Variants in CDH18 observed in about 807,000 individuals in gnomAD.
CDH18 encodes cadherin-18.
In CDH18, 31 loss-of-function variants were observed where a neutral mutation model predicts 67.9. The observed-to-expected ratio is 0.46, with a 90% CI of 0.34 to 0.62. CDH18 has a LOEUF of 0.62. CDH18 is among the 20% of genes least tolerant of loss of function. The pLI is 0.01. For missense variants in CDH18, 890 were observed against 975.5 expected (o/e 0.91, Z 1.17); for synonymous variants, 362 against 347.2 (o/e 1.04, Z -0.48).
At chr5:19,641,843 AT>A (rs571040771) in intron 5 of CDH18, among the ~76,000 whole-genome samples, 10 of 151,876 alleles carry the variant, frequency 6.6e-5, no homozygotes. Flanking sequence ...CAAGAAAAAA[AT>A]AAAATAAAAT....
chr5:19,785,675 AAAAAATATATATATATATATATATATAT>A (rs1775666027), intron 3 of CDH18, among the ~76,000 whole-genome samples: 1 of 59,820 alleles, frequency 1.7e-5, no homozygotes, highest in Non-Finnish European at 3.0e-5. Context: ...AAAAAAAAAA[AAAAAATATATATATATATATATATATAT>A]ATATATATAT....
intron 1 of CDH18, among the ~76,000 whole-genome samples, chr5:20,405,996 G>A (rs1181468764): frequency 2.0e-5 from 3 of 152,078 alleles, no homozygotes; most frequent in Non-Finnish European, 4.4e-5. Context: ...GACTGTAAAC[G>A]AGTTCAACCA....
At chr5:19,678,555 T>C (rs1759826544) in intron 5 of CDH18, among the ~76,000 whole-genome samples, 1 of 151,758 alleles carries the variant, frequency 6.6e-6, no homozygotes, top group Non-Finnish European at 1.5e-5. Flanking sequence ...AACAATCTAC[T>C]GTCACACTTA....
chr5:19,799,659 C>T (rs544693326), intron 3 of CDH18, among the ~76,000 whole-genome samples: 1 of 152,170 alleles, frequency 6.6e-6, no homozygotes, highest in African/African-American at 2.4e-5. Context: ...TGCTGCTACA[C>T]TACTATTTCA....
At chr5:19,500,723 T>C (rs1297452323) in intron 11 of CDH18, among the ~76,000 whole-genome samples, 1 of 152,210 alleles carries the variant, frequency 6.6e-6, no homozygotes, top group Non-Finnish European at 1.5e-5. Flanking sequence ...TGTTAAAAAA[T>C]GTACACACAA....
chr5:19,903,079 C>T (rs1375684584), intron 2 of CDH18, among the ~76,000 whole-genome samples: 1 of 151,652 alleles, frequency 6.6e-6, no homozygotes, highest in Non-Finnish European at 1.5e-5. Flanking sequence ...TTTGCCCAAC[C>T]ACAGTTTATT....
At chr5:20,082,710 T>C (rs1201890424) in intron 2 of CDH18, among the ~76,000 whole-genome samples, 2 of 152,214 alleles carry the variant, frequency 1.3e-5, no homozygotes, top group African/African-American at 4.8e-5. Context: ...GACATTATTG[T>C]TGGACCTAAA....
At chr5:20,250,526 C>A (rs113164140) in intron 2 of CDH18, among the ~76,000 whole-genome samples, 3,510 of 142,972 alleles carry the variant, frequency 0.025, 130 homozygotes, top group African/African-American at 0.085. Flanking sequence ...CTGTTGACCT[C>A]GTGATCCGCC....
intron 1 of CDH18, among the ~76,000 whole-genome samples, chr5:20,523,364 C>A (rs1755862694): frequency 6.6e-6 from 1 of 152,118 alleles, no homozygotes; most frequent in Admixed American, 6.5e-5. Context: ...CCTCTGACAG[C>A]ATGTTACATG....
chr5:20,448,169 G>A (rs948524906), intron 1 of CDH18, among the ~76,000 whole-genome samples: 25 of 151,842 alleles, frequency 1.6e-4, no homozygotes, highest in Admixed American at 4.6e-4. Context: ...TTGTCCTTGC[G>A]ATAGTTTGCT....
intron 2 of CDH18, among the ~76,000 whole-genome samples, chr5:20,172,224 G>GTATATATATATATACGTATA (rs1736855964): frequency 5.1e-5 from 1 of 19,526 alleles, no homozygotes; most frequent in Non-Finnish European, 9.4e-5. Context: ...ATATATATAT[G>GTATATATATATATACGTATA]TATATATATA....
chr5:19,531,852 C>T (rs190927241), intron 9 of CDH18, among the ~76,000 whole-genome samples: 8 of 152,200 alleles, frequency 5.3e-5, no homozygotes, highest in Non-Finnish European at 8.8e-5. Context: ...GACTCATTAA[C>T]GCAAAAGCTT....
chr5:20,034,732 G>C lies in CDH18; in HGVS notation c.-517-42718C>G, dbSNP rs1410284772. 2.6e-5 allele frequency among the ~76,000 whole-genome samples: 4 copies of C among 151,926 alleles called. No homozygotes were observed. In the East Asian group the frequency reaches 7.7e-4, roughly 29 times the overall value. On this transcript the variant is annotated intron_variant, in intron 2 of 14. Transcript: ENST00000507958. Reference sequence around the variant, plus strand: ...CTGAAACTATGCTATGGGCTCTACTGGGTTTGGACTACTCAACCTTCATAA... The same window carrying C: ...CTGAAACTATGCTATGGGCTCTACTCGGTTTGGACTACTCAACCTTCATAA...
At chr5:19,771,310 A>G (rs1381049440) in intron 3 of CDH18, among the ~76,000 whole-genome samples, 1 of 152,218 alleles carries the variant, frequency 6.6e-6, no homozygotes, top group African/African-American at 2.4e-5. Context: ...GGCTTCTGTC[A>G]TGCTTACTCC....
At chr5:20,146,048 A>G (rs1750617804) in intron 2 of CDH18, among the ~76,000 whole-genome samples, 1 of 152,114 alleles carries the variant, frequency 6.6e-6, no homozygotes, top group Admixed American at 6.6e-5. Context: ...TTCCTCATTC[A>G]GGACAACCTC....
At chr5:19,844,746 A>C (rs1015556106) in intron 2 of CDH18, among the ~76,000 whole-genome samples, 9 of 152,198 alleles carry the variant, frequency 5.9e-5, no homozygotes, top group Non-Finnish European at 1.2e-4. Flanking sequence ...TGAGCTCTGC[A>C]GATATGACAG....
chr5:19,550,423 C>T (rs1000588980), intron 8 of CDH18, among the ~76,000 whole-genome samples: 29 of 151,954 alleles, frequency 1.9e-4, no homozygotes, highest in Non-Finnish European at 4.0e-4. Context: ...CTCCCCCCAC[C>T]CCACAACAGT....
intron 4 of CDH18, among the ~76,000 whole-genome samples, chr5:19,733,480 G>C (rs1344768601): frequency 1.3e-5 from 2 of 152,112 alleles, no homozygotes; most frequent in Non-Finnish European, 2.9e-5. Context: ...TCTCCGCTGA[G>C]AGCTGTTTGG....
At chr5:19,974,670 T>C (rs1234330358) in intron 2 of CDH18, among the ~76,000 whole-genome samples, 3 of 151,994 alleles carry the variant, frequency 2.0e-5, no homozygotes, top group African/African-American at 7.2e-5. Flanking sequence ...GGTGCAGATA[T>C]AGCAGGCATT....
Sources: allele counts gnomAD v4.1 joint callset (sites outside exome capture counted in the v4.1 genomes callset), GRCh38; gene constraint gnomAD v4.1.1; transcripts MANE v1.5; gene names NCBI Gene and HGNC (gene_info 2026-07-23, HGNC 2026-07-21).